PTK2: variants seen among roughly 807,000 people sequenced by gnomAD.
PTK2 encodes focal adhesion kinase 1.
In PTK2, 45 loss-of-function variants were observed where a neutral mutation model predicts 150.1. The ratio of observed to expected loss-of-function variants is 0.30; its 90% confidence interval spans 0.24 to 0.38. PTK2 has a LOEUF of 0.38. Ranked by LOEUF, PTK2 falls within the 10% of genes least tolerant of loss-of-function variation. The pLI is 1.00. For missense variants in PTK2, 919 were observed against 1,307.3 expected, an observed-to-expected ratio of 0.70 and a Z score of 4.58; for synonymous variants, 432 against 449.2, an observed-to-expected ratio of 0.96 and a Z score of 0.48.
intron 11 of PTK2, among the ~76,000 whole-genome samples, chr8:140,802,198 G>A (rs942042531): frequency 1.3e-5 from 2 of 152,052 alleles, no homozygotes; most frequent in African/African-American, 2.4e-5. Context: ...GGCCCCTGAA[G>A]ACCTCCCAGT....
At chr8:140,897,880 G>A (rs1005461307) in intron 2 of PTK2, among the ~76,000 whole-genome samples, 2 of 152,164 alleles carry the variant, frequency 1.3e-5, no homozygotes, top group African/African-American at 4.8e-5. Context: ...CTTTGTTATT[G>A]TAGCCCTTCT....
chr8:140,664,933 G>T (rs2088207098), exon 31 of PTK2: 5 of 1,609,702 alleles, frequency 3.1e-6, no homozygotes, highest in Non-Finnish European at 4.2e-6. Flanking sequence ...GTGGGTGCTG[G>T]CTGGTAGGAG....
At chr8:140,810,167 T>G (rs2100100585) in intron 10 of PTK2, among the ~76,000 whole-genome samples, 1 of 152,200 alleles carries the variant, frequency 6.6e-6, no homozygotes, top group Non-Finnish European at 1.5e-5. Flanking sequence ...GCCCCTCAAC[T>G]ACTACGGACA....
chr8:140,748,314 T>G (rs2100060689), intron 17 of PTK2, among the ~76,000 whole-genome samples: 1 of 151,906 alleles, frequency 6.6e-6, no homozygotes, highest in South Asian at 2.1e-4. Flanking sequence ...GCCAACATGG[T>G]GAAACCCCAT....
intron 26 of PTK2, among the ~76,000 whole-genome samples, chr8:140,690,105 AC>A (rs2100022214): frequency 6.6e-6 from 1 of 152,138 alleles, no homozygotes; most frequent in African/African-American, 2.4e-5. Context: ...GGCGTCCGCC[AC>A]CACGCCCGGC....
chr8:140,953,093 T>G (rs1329794229), intron 1 of PTK2, among the ~76,000 whole-genome samples: 1 of 152,036 alleles, frequency 6.6e-6, no homozygotes, highest in African/African-American at 2.4e-5. Flanking sequence ...AATTAAGGAG[T>G]TAGGAAATAT....
chr8:140,958,367 ACTC>A (rs1395130896), intron 1 of PTK2, among the ~76,000 whole-genome samples: 2 of 151,602 alleles, frequency 1.3e-5, no homozygotes, highest in East Asian at 3.9e-4. Flanking sequence ...CTGGTCTTGA[ACTC>A]CTAGACTCAA....
At chr8:140,834,897 C>A (rs936032272) in intron 7 of PTK2, among the ~76,000 whole-genome samples, 3 of 152,356 alleles carry the variant, frequency 2.0e-5, no homozygotes, top group Middle Eastern at 3.4e-3. Context: ...TAACACTCCA[C>A]TGATTCCTGT....
At chr8:140,907,783 C>T (rs537742182) in intron 2 of PTK2, among the ~76,000 whole-genome samples, 78 of 152,196 alleles carry the variant, frequency 5.1e-4, no homozygotes, top group Non-Finnish European at 8.1e-4. Flanking sequence ...ACAAATGGCA[C>T]CCACGTTAAG....
At chr8:140,750,347 G>A (rs2100061954) in intron 17 of PTK2, 1 of 152,226 alleles carries the variant, frequency 6.6e-6, no homozygotes, top group Non-Finnish European at 1.5e-5. Context: ...GTACTGTGCA[G>A]GACACTGAGT....
chr8:140,676,401 AATTAATTAATTAAT>A (rs1244118042), intron 27 of PTK2, among the ~76,000 whole-genome samples: 2 of 37,476 alleles, frequency 5.3e-5, no homozygotes, highest in Non-Finnish European at 1.1e-4. Flanking sequence ...TTAATTAATT[AATTAATTAATTAAT>A]ATATATATTC....
intron 21 of PTK2, 98 bp from the exon 25 acceptor site, chr8:140,735,553 C>G (rs1332245395): frequency 8.9e-6 from 11 of 1,232,976 alleles, no homozygotes; most frequent in Non-Finnish European, 1.3e-5. Context: ...CGAGTACCAG[C>G]TGGGAGGTAA....
intron 24 of PTK2, among the ~76,000 whole-genome samples, chr8:140,703,623 CA>C (rs1250398100): frequency 6.6e-6 from 1 of 152,094 alleles, no homozygotes. Flanking sequence ...CAAAAATACA[CA>C]AAAAATCCCC....
chr8:140,665,065 AT>A (rs953777025), intron 30 of PTK2, 68 bp from the exon 35 acceptor site: 12 of 1,384,184 alleles, frequency 8.7e-6, no homozygotes, highest in African/African-American at 4.3e-5. Flanking sequence ...TCAGTTATAT[AT>A]TTTTTTATTT....
At chr8:140,966,859 A>G (rs948439848) in intron 1 of PTK2, among the ~76,000 whole-genome samples, 6 of 152,178 alleles carry the variant, frequency 3.9e-5, no homozygotes, top group African/African-American at 1.4e-4. Flanking sequence ...CTACAAACTA[A>G]AATTTTCCAT....
exon 3 of PTK2, chr8:140,890,644 C>T (rs2100153913): frequency 1.2e-6 from 2 of 1,614,012 alleles, no homozygotes; most frequent in African/African-American, 1.3e-5. Flanking sequence ...CGCTCCATTG[C>T]ACCAGGAGAA....
intron 4 of PTK2, among the ~76,000 whole-genome samples, chr8:140,871,636 T>A (rs2100142569): frequency 6.6e-6 from 1 of 152,122 alleles, no homozygotes; most frequent in Non-Finnish European, 1.5e-5. Flanking sequence ...TTGTCTCTAC[T>A]AAAATAAAAT....
chr8:140,680,584 C>T (rs73714726), intron 27 of PTK2, among the ~76,000 whole-genome samples: 5,280 of 152,234 alleles, frequency 0.035, 287 homozygotes, highest in African/African-American at 0.12. Context: ...GGGCCACACA[C>T]TGGAACACAA....
At chr8:140,661,922 AG>A (rs1231096538) in intron 31 of PTK2, among the ~76,000 whole-genome samples, 9 of 152,220 alleles carry the variant, frequency 5.9e-5, no homozygotes, top group Admixed American at 5.9e-4. Flanking sequence ...CTGCTCTTTC[AG>A]GAAGTACAAT....
Sources: allele counts gnomAD v4.1 joint callset (sites outside exome capture counted in the v4.1 genomes callset), GRCh38; gene constraint gnomAD v4.1.1; transcripts MANE v1.5; gene names NCBI Gene and HGNC (gene_info 2026-07-23, HGNC 2026-07-21).